GOT1: variants seen among roughly 807,000 people sequenced by gnomAD.
GOT1 encodes the protein aspartate aminotransferase, cytoplasmic.
In GOT1, 25 loss-of-function variants were observed where a neutral mutation model predicts 48.2. That is an observed-to-expected ratio of 0.52 (90% CI 0.38 to 0.72). The LOEUF (loss-of-function observed/expected upper bound fraction) is 0.72, where lower values mean the gene tolerates loss of function less well. GOT1 is among the 30% of genes least tolerant of loss of function. The pLI, the probability that GOT1 is intolerant of heterozygous loss-of-function variation, is 0.00. For synonymous variants in GOT1, 188 were observed against 193.8 expected (o/e 0.97, Z 0.25); for missense variants, 380 against 520.1 (o/e 0.73, Z 2.62).
chr10:99,403,642 G>C lies in GOT1; in HGVS notation c.794-8C>G, dbSNP rs1001847121. The C allele has an allele frequency of 6.2e-7, 1 of 1,614,100 alleles. No individual in the cohort carries two copies. The highest frequency in any genetic ancestry group is 2.2e-5 in the East Asian group (1 of 44,884). On this transcript the variant is annotated splice_polypyrimidine_tract_variant and splice_region_variant and intron_variant, in intron 6 of 8. Coordinates refer to ENST00000370508, the MANE Select transcript of GOT1 (RefSeq NM_002079.3). Reference sequence around the variant, plus strand: ...GATTCCCGACTCTCTCATCTAAAGAGAGGGACCAGAATCAGCTGTGGCTGC... The same window carrying C: ...GATTCCCGACTCTCTCATCTAAAGACAGGGACCAGAATCAGCTGTGGCTGC...
intron 2 of GOT1, among the ~76,000 whole-genome samples, chr10:99,416,893 T>C (rs1302732575): frequency 6.6e-6 from 1 of 152,234 alleles, no homozygotes; most frequent in African/African-American, 2.4e-5. Flanking sequence ...AAGCTGAAAC[T>C]GGATCCCTTC....
chr10:99,430,172 A>C (rs967465939), intron 1 of GOT1: 10 of 784,742 alleles, frequency 1.3e-5, no homozygotes, highest in Non-Finnish European at 1.8e-5. Flanking sequence ...AGTATAAAGA[A>C]GGCAGAATGG....
chr10:99,411,764 A>G (rs1234357370), intron 2 of GOT1, among the ~76,000 whole-genome samples: 12 of 152,178 alleles, frequency 7.9e-5, no homozygotes, highest in African/African-American at 2.9e-4. Context: ...GCCTGGCTCT[A>G]GTAGTGGGCA....
chr10:99,422,046 T>C (rs549414418), intron 1 of GOT1, among the ~76,000 whole-genome samples: 39 of 152,338 alleles, frequency 2.6e-4, no homozygotes, highest in Non-Finnish European at 4.3e-4. Context: ...TAGACTGATA[T>C]AGTTTGGCTG....
intron 2 of GOT1, among the ~76,000 whole-genome samples, chr10:99,408,534 T>A (rs1306268039): frequency 6.6e-6 from 1 of 152,146 alleles, no homozygotes; most frequent in Non-Finnish European, 1.5e-5. Context: ...CTGGCCAACA[T>A]GGTGAAACCC....
At chr10:99,410,713 C>T (rs1230206018) in intron 2 of GOT1, among the ~76,000 whole-genome samples, 2 of 152,182 alleles carry the variant, frequency 1.3e-5, no homozygotes, top group East Asian at 1.9e-4. Flanking sequence ...AATAATATAG[C>T]AATGTGGTCA....
intron 2 of GOT1, among the ~76,000 whole-genome samples, chr10:99,411,671 CT>C (rs2032829508): frequency 6.6e-6 from 1 of 152,186 alleles, no homozygotes; most frequent in Non-Finnish European, 1.5e-5. Context: ...CATTTAGAGT[CT>C]GTTCCTCTCC....
chr10:99,409,710 C>A (rs897439217), intron 2 of GOT1, among the ~76,000 whole-genome samples: 2 of 152,114 alleles, frequency 1.3e-5, no homozygotes, highest in Admixed American at 1.3e-4. Flanking sequence ...AAATGATCAT[C>A]ACAACAGGTA....
intron 5 of GOT1, 48 bp from the exon 6 acceptor site, chr10:99,403,922 A>C: frequency 1.3e-6 from 2 of 1,587,504 alleles, no homozygotes; most frequent in South Asian, 2.2e-5. Flanking sequence ...TCTGGCACCA[A>C]CCTCAGACAC....
chr10:99,398,685 T>C (rs1468151114), intron 8 of GOT1, among the ~76,000 whole-genome samples: 1 of 151,130 alleles, frequency 6.6e-6, no homozygotes, highest in African/African-American at 2.4e-5. Context: ...AAAAAAAGAA[T>C]TTTAGTGAAT....
chr10:99,404,511 C>T (rs2134097718), intron 5 of GOT1, among the ~76,000 whole-genome samples: 1 of 152,302 alleles, frequency 6.6e-6, no homozygotes, highest in South Asian at 2.1e-4. Flanking sequence ...TCTCATCAGT[C>T]CTGTCTCTTC....
chr10:99,410,632 C>A (rs748351359), intron 2 of GOT1, among the ~76,000 whole-genome samples: 1 of 152,210 alleles, frequency 6.6e-6, no homozygotes, highest in African/African-American at 2.4e-5. Flanking sequence ...CTATTAAATA[C>A]TGGATGGCTT....
chr10:99,411,839 A>T (rs557424056), intron 2 of GOT1, among the ~76,000 whole-genome samples: 84 of 152,326 alleles, frequency 5.5e-4, no homozygotes, highest in Middle Eastern at 3.4e-3. Context: ...ATAGGAGCCA[A>T]ATGCTGAAAA....
chr10:99,420,951 G>T, intron 1 of GOT1, 146 bp from the exon 2 acceptor site: 2 of 670,264 alleles, frequency 3.0e-6, no homozygotes, highest in Non-Finnish European at 2.5e-6. Flanking sequence ...TTCACTTACT[G>T]AGTACCTAAT....
chr10:99,415,157 G>A (rs533062844), intron 2 of GOT1, among the ~76,000 whole-genome samples: 1,617 of 152,064 alleles, frequency 0.011, 18 homozygotes, highest in African/African-American at 0.032. Flanking sequence ...CCAGGAGCTG[G>A]TTTTTTGAAA....
At chr10:99,412,366 T>C (rs1271853628) in intron 2 of GOT1, among the ~76,000 whole-genome samples, 1 of 151,488 alleles carries the variant, frequency 6.6e-6, no homozygotes, top group Non-Finnish European at 1.5e-5. Context: ...ACAGGTGACA[T>C]GAGTAGCTTG....
rs767534084 is a variant in GOT1 at position 99,430,506 on chromosome 10, C to T, written c.60G>A (p.Lys20=). The T allele has an allele frequency of 6.2e-7, 1 of 1,612,700 alleles. No homozygotes were observed. Among genetic ancestry groups the T allele is most frequent in the South Asian group, 1.1e-5 (1 of 90,930 alleles). The change falls in exon 1 of 9, where the codon AAG becomes AAA. Residue 20 remains lysine, a synonymous_variant. Coordinates refer to ENST00000370508, the MANE Select transcript of GOT1 (RefSeq NM_002079.3). The part of the protein sequence containing the change: ...VPQAQPVLVF[K]LTADFREDPD... ...GATCCTCCCTGAAGTCGGCAGTGAG[C>T]TTGAAGACCAGGACAGGCTGGGCCT...
intron 2 of GOT1, among the ~76,000 whole-genome samples, chr10:99,413,254 T>C (rs1237580050): frequency 6.6e-6 from 1 of 152,180 alleles, no homozygotes; most frequent in Non-Finnish European, 1.5e-5. Context: ...AAGGACCTGA[T>C]GGAGCTGAAA....
chr10:99,405,626 A>C (rs775085790), intron 5 of GOT1, 130 bp downstream of exon 5: 19 of 614,880 alleles, frequency 3.1e-5, no homozygotes, highest in Non-Finnish European at 4.7e-5. Flanking sequence ...TACAGTTAAT[A>C]CTTATTTTCT....
Sources: gnomAD v4.1 joint callset for allele counts (sites outside exome capture counted in the v4.1 genomes callset) on GRCh38, gnomAD v4.1.1 for gene constraint, MANE v1.5 for transcripts, NCBI Gene and HGNC (gene_info 2026-07-23, HGNC 2026-07-21) for gene names.